The following VEPH1 variants were observed in gnomAD, a reference collection of about 807,000 sequenced individuals.
VEPH1 encodes the protein ventricular zone expressed PH domain containing 1.
Under a neutral mutation model 85.2 loss-of-function variants are expected in VEPH1, and 80 were observed. That is an observed-to-expected ratio of 0.94 (90% CI 0.78 to 1.13). The LOEUF (loss-of-function observed/expected upper bound fraction) is 1.13, where lower values mean the gene tolerates loss of function less well. Ranked by LOEUF, VEPH1 falls within the 50% of genes most tolerant of loss-of-function variation. VEPH1 has a pLI of 0.00. For synonymous variants in VEPH1, 297 were observed against 348.0 expected (o/e 0.85, Z 1.63); for missense variants, 955 against 980.5 (o/e 0.97, Z 0.35).
chr3:157,325,944 T>C (rs1721850985), intron 9 of VEPH1, among the ~76,000 whole-genome samples: 1 of 152,242 alleles, frequency 6.6e-6, no homozygotes, highest in Non-Finnish European at 1.5e-5. Context: ...TTTCATGATA[T>C]TGATTTTTCC....
rs1402261940 is a variant in VEPH1 at position 157,443,090 on chromosome 3, A to G, written c.530-14602T>C. 3 of 1,287,390 alleles carry G rather than the reference A, an allele frequency of 2.3e-6. No homozygotes were observed. The East Asian group carries it at 7.3e-5, about 32-fold the overall frequency. 79.7% of individuals were successfully genotyped at this position (1,287,390 alleles called of 1,614,324 possible). ...TAATAGGAACACTTGAGACTAATGA[A>G]AGAGAGAGTTGAGACCAATCTTTAT... On this transcript the variant is annotated intron_variant, in intron 4 of 13. Coordinates refer to ENST00000362010, the MANE Select transcript of VEPH1 (RefSeq NM_001167912.2).
At chr3:157,421,740 A>G (rs959945481) in intron 5 of VEPH1, among the ~76,000 whole-genome samples, 5 of 152,174 alleles carry the variant, frequency 3.3e-5, no homozygotes, top group African/African-American at 1.2e-4. Flanking sequence ...GCAGGAACAG[A>G]GCACGAAGAG....
intron 6 of VEPH1, chr3:157,413,577 G>A: frequency 1.0e-6 from 1 of 985,280 alleles, no homozygotes. Flanking sequence ...TCCTTCTTCA[G>A]GTGACACAGC....
Position 157,361,799 on chromosome 3 carries a change from C to A in VEPH1, c.1735+1565G>T, listed in dbSNP as rs544381065. ...CCTTTCCTAGGTCCAGGAAGGACTA[C>A]GGCACAAAATGTAAAGGAGTGTCAG... On this transcript the variant is annotated intron_variant, in intron 9 of 13. Coordinates refer to ENST00000362010, the MANE Select transcript of VEPH1 (RefSeq NM_001167912.2). Among the ~76,000 whole-genome samples the A allele has an allele frequency of 3.3e-5, 5 of 152,068 alleles. 1 individual carries two copies. In the South Asian group the frequency reaches 1.0e-3, roughly 32 times the overall value.
intron 4 of VEPH1, among the ~76,000 whole-genome samples, chr3:157,452,933 G>A (rs1247448032): frequency 7.9e-5 from 12 of 152,110 alleles, no homozygotes; most frequent in Admixed American, 6.6e-4. Context: ...CAATCTATGT[G>A]GCTTTGCTGC....
chr3:157,485,356 G>A (rs1350870472), intron 2 of VEPH1, among the ~76,000 whole-genome samples: 2 of 152,090 alleles, frequency 1.3e-5, no homozygotes, highest in Non-Finnish European at 2.9e-5. Flanking sequence ...CTACTGCCTG[G>A]CCAACAGCAA....
chr3:157,491,782 A>G (rs1239455924), intron 2 of VEPH1, among the ~76,000 whole-genome samples: 1 of 152,206 alleles, frequency 6.6e-6, no homozygotes, highest in African/African-American at 2.4e-5. Flanking sequence ...GGCAGAATAC[A>G]CTTTAAAAAA....
At chr3:157,361,614 A>T (rs1238760300) in intron 9 of VEPH1, among the ~76,000 whole-genome samples, 1 of 152,232 alleles carries the variant, frequency 6.6e-6, no homozygotes, top group Admixed American at 6.5e-5. Flanking sequence ...CATCACATAG[A>T]TCTCAAGGGA....
At chr3:157,499,838 A>G (rs568075921) in intron 1 of VEPH1, among the ~76,000 whole-genome samples, 2 of 152,228 alleles carry the variant, frequency 1.3e-5, no homozygotes, top group Admixed American at 1.3e-4. Flanking sequence ...GTAGGGAGCC[A>G]CCTCTCAGAG....
intron 9 of VEPH1, among the ~76,000 whole-genome samples, chr3:157,352,469 G>T (rs1176137062): frequency 5.9e-5 from 9 of 152,190 alleles, no homozygotes; most frequent in Admixed American, 5.9e-4. Context: ...TGCTGATCAT[G>T]GTTGGTTATG....
rs114381201 is a variant in VEPH1 at position 157,311,916 on chromosome 3, T to A, written c.2010+1705A>T. Among the ~76,000 whole-genome samples, 175 of 152,338 alleles carry A rather than the reference T, an allele frequency of 1.1e-3. 2 individuals are homozygous for A. Among genetic ancestry groups the A allele is most frequent in the African/African-American group, 3.9e-3 (162 of 41,576 alleles). On this transcript the variant is annotated intron_variant, in intron 11 of 13. Coordinates refer to ENST00000362010, the MANE Select transcript of VEPH1 (RefSeq NM_001167912.2). ...ATTGTGGCATTTCCTTTATTTTTAA[T>A]ACTGCATGTTGAATTCCTAAACACA... is the stretch of plus-strand genomic sequence containing the variant.
At chr3:157,464,130 C>A (rs1181091500) in intron 3 of VEPH1, among the ~76,000 whole-genome samples, 1 of 152,136 alleles carries the variant, frequency 6.6e-6, no homozygotes, top group African/African-American at 2.4e-5. Context: ...ATATCCTGTC[C>A]CTGCTCCCTT....
chr3:157,305,071 C>CTATCTAT (rs1559941201), intron 11 of VEPH1, among the ~76,000 whole-genome samples: 1 of 37,578 alleles, frequency 2.7e-5, no homozygotes, highest in African/African-American at 1.1e-4. Context: ...TATCTATCTT[C>CTATCTAT]CTATCTCTCT....
intron 9 of VEPH1, among the ~76,000 whole-genome samples, chr3:157,323,902 T>C (rs931213644): frequency 2.0e-5 from 3 of 152,180 alleles, no homozygotes; most frequent in Admixed American, 1.3e-4. Context: ...TACTTTCATA[T>C]TGAGAAGTGG....
chr3:157,373,832 C>T (rs894088857), intron 7 of VEPH1, among the ~76,000 whole-genome samples: 21 of 152,130 alleles, frequency 1.4e-4, no homozygotes, highest in African/African-American at 2.9e-4. Flanking sequence ...CCTGGTTCCC[C>T]ATGAAGCTGA....
At chr3:157,401,571 A>T (rs1354416466) in intron 6 of VEPH1, among the ~76,000 whole-genome samples, 3 of 152,148 alleles carry the variant, frequency 2.0e-5, no homozygotes, top group African/African-American at 7.2e-5. Context: ...TTACTTATAG[A>T]GAAGAATAAA....
chr3:157,319,236 A>G (rs1721115629), intron 9 of VEPH1, among the ~76,000 whole-genome samples: 2 of 152,342 alleles, frequency 1.3e-5, no homozygotes, highest in South Asian at 2.1e-4. Context: ...TCAGGAAATT[A>G]AAAAGATTTA....
At chr3:157,281,074 G>A (rs1577227040) in intron 12 of VEPH1, among the ~76,000 whole-genome samples, 1 of 148,596 alleles carries the variant, frequency 6.7e-6, no homozygotes, top group East Asian at 1.9e-4. Flanking sequence ...GTAGGTGTGT[G>A]TGCATATGTG....
intron 6 of VEPH1, among the ~76,000 whole-genome samples, chr3:157,389,358 T>C (rs1729615460): frequency 6.6e-6 from 1 of 151,848 alleles, no homozygotes; most frequent in African/African-American, 2.4e-5. Flanking sequence ...AGCATGAAGA[T>C]AAGAAAAATG....
Sources: allele counts gnomAD v4.1 joint callset (sites outside exome capture counted in the v4.1 genomes callset), GRCh38; gene constraint gnomAD v4.1.1; transcripts MANE v1.5; gene names NCBI Gene and HGNC (gene_info 2026-07-23, HGNC 2026-07-21).